TRA2A: variants seen among roughly 807,000 people sequenced by gnomAD.
TRA2A encodes the protein transformer-2 protein homolog alpha.
TRA2A carries 31 observed loss-of-function variants against 45.7 expected under a neutral mutation model. The observed-to-expected ratio is 0.68, with a 90% CI of 0.51 to 0.92. TRA2A has a LOEUF of 0.92. Among genes scored for constraint, TRA2A ranks in the 40% least tolerant of loss-of-function variants. TRA2A has a pLI of 0.00. For missense variants in TRA2A, 304 were observed against 367.5 expected (o/e 0.83, Z 1.41); for synonymous variants, 132 against 126.2 (o/e 1.05, Z -0.31).
At chr7:23,523,268 T>C (rs1277611503) in intron 1 of TRA2A, among the ~76,000 whole-genome samples, 4 of 152,182 alleles carry the variant, frequency 2.6e-5, no homozygotes, top group African/African-American at 9.7e-5. Context: ...GACTATATTC[T>C]ATATCCAAAA....
intron 4 of TRA2A, among the ~76,000 whole-genome samples, chr7:23,509,009 C>G (rs190573480): frequency 2.0e-4 from 31 of 152,096 alleles, no homozygotes; most frequent in Middle Eastern, 3.4e-3. Context: ...TATTCTCTCA[C>G]ACACATATAT....
rs184238721 is a variant in TRA2A, at chr7:23,520,913, A to C, written c.170+794T>G. On this transcript the variant is annotated intron_variant, in intron 2 of 7. Coordinates refer to ENST00000297071, the MANE Select transcript of TRA2A (RefSeq NM_013293.5). ...TCACCATGTTGCCCAGGCTGGTCTA[A>C]AACTCCTGACCTCAAGTTATCTACC... Among the ~76,000 whole-genome samples, 359 of 152,100 alleles carry C rather than the reference A, an allele frequency of 2.4e-3. 4 individuals are homozygous for C. The highest frequency in any genetic ancestry group is 8.3e-3 in the African/African-American group (343 of 41,486).
intron 1 of TRA2A, chr7:23,531,528 A>G (rs1240669104): frequency 5.3e-6 from 3 of 562,108 alleles, no homozygotes; most frequent in Non-Finnish European, 9.4e-6. Flanking sequence ...GAAGGGAGGA[A>G]GCAATGCGGG....
At position 23,505,055 on chromosome 7, in the gene TRA2A, G is replaced by A. The variant is rs1036537179; in HGVS notation, c.*504C>T. 3 of 152,236 alleles carry A rather than the reference G, an allele frequency of 2.0e-5. No individual in the cohort carries two copies. The highest frequency in any genetic ancestry group is 4.4e-5 in the Non-Finnish European group (3 of 68,334). 9.4% of individuals were successfully genotyped at this position (152,236 alleles called of 1,614,324 possible). On this transcript the variant is annotated 3_prime_UTR_variant, in exon 8 of 8. Transcript: ENST00000297071. ...CAGCATGTTTTACAGGAGTTCACAA[G>A]CTTTTCATCTCTAAAAAAAAACTTT...
At chr7:23,529,002 A>T (rs1245032804) in intron 1 of TRA2A, among the ~76,000 whole-genome samples, 2 of 152,200 alleles carry the variant, frequency 1.3e-5, no homozygotes, top group African/African-American at 4.8e-5. Flanking sequence ...CATGATCAAC[A>T]CTGGGATGCT....
chr7:23,531,421 ATCCGGACGGAGGGG>A (rs1230982950), intron 1 of TRA2A: 2 of 329,740 alleles, frequency 6.1e-6, no homozygotes, highest in Non-Finnish European at 1.1e-5. Context: ...ACCTACCACT[ATCCGGACGGAGGGG>A]AGCTCCCTGC....
intron 1 of TRA2A, among the ~76,000 whole-genome samples, chr7:23,526,882 C>A (rs1790361668): frequency 6.6e-6 from 1 of 152,080 alleles, no homozygotes; most frequent in Non-Finnish European, 1.5e-5. Flanking sequence ...ATTTAGAAGT[C>A]TTATCATAAA....
chr7:23,508,051 G>A (rs1789422546), intron 4 of TRA2A, among the ~76,000 whole-genome samples: 1 of 151,886 alleles, frequency 6.6e-6, no homozygotes, highest in African/African-American at 2.4e-5. Flanking sequence ...TTTATAACCT[G>A]CCCCCAATCT....
chr7:23,531,674 G>T, intron 1 of TRA2A, 115 bp downstream of exon 1: 1 of 1,105,766 alleles, frequency 9.0e-7, no homozygotes, highest in Non-Finnish European at 1.3e-6. Flanking sequence ...AATCGCGATG[G>T]CTCCAGAGGT....
In TRA2A at chr7:23,518,676, T is replaced by G. The variant is rs752726174; in HGVS notation, c.171-2148A>C. Among the ~76,000 whole-genome samples, 20 of 67,856 alleles carry G rather than the reference T, an allele frequency of 2.9e-4. 1 individual carries two copies. Among genetic ancestry groups the G allele is most frequent in the South Asian group, 6.7e-4 (2 of 2,978 alleles). 44.5% of individuals were successfully genotyped at this position (67,856 alleles called of 152,430 possible). On this transcript the variant is annotated intron_variant, in intron 2 of 7. Coordinates refer to ENST00000297071, the MANE Select transcript of TRA2A (RefSeq NM_013293.5). ...AACATTTCTGAGTCTTCATTTCTTG[T>G]TTTTTTTTTTTTTTCCCCCTTCTTG...
chr7:23,505,205 A>G lies in TRA2A; in HGVS notation c.*354T>C, dbSNP rs1789257775. The G allele has an allele frequency of 4.4e-6, 1 of 225,732 alleles. No individual in the cohort carries two copies. Among genetic ancestry groups the G allele is most frequent in the Admixed American group, 5.7e-5 (1 of 17,576 alleles). 14.0% of individuals were successfully genotyped at this position (225,732 alleles called of 1,614,324 possible). A position where few individuals can be genotyped will look rare whatever the true frequency, so the allele number is the denominator to read the frequency against. ...CTCATGATAAATGCAGATCTCTAAT[A>G]CAGTATCTAACACAAAAGAAGCTTT... On this transcript the variant is annotated 3_prime_UTR_variant, in exon 8 of 8. Transcript: ENST00000297071.
intron 3 of TRA2A, among the ~76,000 whole-genome samples, chr7:23,514,237 T>C (rs1390254743): frequency 2.0e-5 from 3 of 151,922 alleles, no homozygotes; most frequent in Non-Finnish European, 4.4e-5. Context: ...CCAGCTAATT[T>C]TGTATTTTTA....
intron 2 of TRA2A, 107 bp downstream of exon 2, chr7:23,521,600 A>G (rs570584498): frequency 1.0e-5 from 13 of 1,302,340 alleles, no homozygotes; most frequent in African/African-American, 2.9e-5. Context: ...GAGAAAAACT[A>G]TAATTTTGAG....
At position 23,512,987 on chromosome 7, in the gene TRA2A, T is replaced by G; in HGVS notation, c.432A>C (p.Pro144=). The part of the protein sequence containing the change: ...DLREVFSRYG[P]LSGVNVVYDQ... ...CATAAACCACATTGACACCACTCAATGGTCCATATCGAGAAAATACTTCAC... is the reference window on the plus strand; with the variant it reads ...CATAAACCACATTGACACCACTCAAGGGTCCATATCGAGAAAATACTTCAC... The change falls in exon 4 of 8, where the codon CCA becomes CCC. Residue 144 remains proline, a synonymous_variant. Transcript: ENST00000297071. The G allele has an allele frequency of 1.2e-6, 2 of 1,614,110 alleles. No individual in the cohort carries two copies. Among genetic ancestry groups the G allele is most frequent in the Non-Finnish European group, 1.7e-6 (2 of 1,180,008 alleles).
chr7:23,522,322 C>A, intron 1 of TRA2A: 1 of 1,198,886 alleles, frequency 8.3e-7, no homozygotes. Context: ...ATTTTTTCCC[C>A]CATTCAATTT....
At chr7:23,518,953 G>C (rs1790011213) in intron 2 of TRA2A, among the ~76,000 whole-genome samples, 1 of 151,924 alleles carries the variant, frequency 6.6e-6, no homozygotes, top group Non-Finnish European at 1.5e-5. Context: ...CTCCCAAAGT[G>C]CTGGGGTTAT....
rs79285651 is a variant in TRA2A, at chr7:23,518,690, T to C, written c.171-2162A>G. The stretch of plus-strand genomic sequence containing the variant: ...TTCATTTCTTGTTTTTTTTTTTTTT[T>C]CCCCCTTCTTGAGACAGAATCTCAC... On this transcript the variant is annotated intron_variant, in intron 2 of 7. Transcript: ENST00000297071. 2.7e-3 allele frequency among the ~76,000 whole-genome samples: 372 copies of C among 137,854 alleles called. 2 individuals are homozygous for C. Among genetic ancestry groups the C allele is most frequent in the Non-Finnish European group, 3.9e-3 (251 of 63,618 alleles). 90.4% of individuals were successfully genotyped at this position (137,854 alleles called of 152,430 possible).
At chr7:23,531,100 G>C (rs1376270271) in intron 1 of TRA2A, 1 of 408,554 alleles carries the variant, frequency 2.4e-6, no homozygotes, top group Non-Finnish European at 3.3e-6. Context: ...GGGACATTAA[G>C]GGAAAAGGGC....
intron 2 of TRA2A, among the ~76,000 whole-genome samples, chr7:23,516,781 A>C (rs919614958): frequency 6.6e-6 from 1 of 152,064 alleles, no homozygotes; most frequent in African/African-American, 2.4e-5. Flanking sequence ...AAAAAACAAA[A>C]AAAAAACAAA....
Sources: gnomAD v4.1 joint callset for allele counts (sites outside exome capture counted in the v4.1 genomes callset) on GRCh38, gnomAD v4.1.1 for gene constraint, MANE v1.5 for transcripts, NCBI Gene and HGNC (gene_info 2026-07-23, HGNC 2026-07-21) for gene names.